The following VPS41 variants were observed in gnomAD, a reference collection of about 807,000 sequenced individuals.
The protein encoded by VPS41 is vacuolar protein sorting-associated protein 41 homolog.
VPS41 carries 85 observed loss-of-function variants against 130.9 expected under a neutral mutation model. The ratio of observed to expected loss-of-function variants is 0.65; its 90% confidence interval spans 0.55 to 0.78. The LOEUF is 0.78. Ranked by LOEUF, VPS41 falls within the 30% of genes least tolerant of loss-of-function variation. VPS41 has a pLI of 0.00. For synonymous variants in VPS41, 335 were observed against 332.9 expected (o/e 1.01, Z -0.07); for missense variants, 874 against 1,018.7 (o/e 0.86, Z 1.93).
At chr7:38,843,203 T>A (rs1331246457) in intron 4 of VPS41, among the ~76,000 whole-genome samples, 2 of 152,208 alleles carry the variant, frequency 1.3e-5, no homozygotes, top group East Asian at 3.9e-4. Context: ...ATGCCCCTGT[T>A]CTTTTGGGAC....
At chr7:38,884,041 T>C (rs952185616) in intron 2 of VPS41, among the ~76,000 whole-genome samples, 14 of 152,214 alleles carry the variant, frequency 9.2e-5, no homozygotes, top group Admixed American at 5.9e-4. Context: ...ACAGGGCACA[T>C]TACCATTTTT....
At chr7:38,806,911 C>T (rs1784849167) in intron 7 of VPS41, among the ~76,000 whole-genome samples, 1 of 152,120 alleles carries the variant, frequency 6.6e-6, no homozygotes, top group African/African-American at 2.4e-5. Flanking sequence ...CAACATCAGC[C>T]GAGGCCACTC....
Position 38,862,547 on chromosome 7 carries a change from C to T in VPS41, c.244G>A (p.Val82Ile), listed in dbSNP as rs757727609. 8.8e-6 allele frequency: 14 copies of T among 1,588,482 alleles called. No homozygotes were observed. The South Asian group carries it at 1.2e-4, about 14-fold the overall frequency. The change falls in exon 4 of 29, where the codon GTA becomes ATA. Residue 82 changes from valine (V) to isoleucine (I), a missense_variant and splice_region_variant. Physicochemically the swap from Val to Ile is conservative, Grantham distance 29. Coordinates refer to ENST00000310301, the MANE Select transcript of VPS41 (RefSeq NM_014396.4). ...VQGNITQKFD[V>I]SPVKINQISL... ...ATTATTTTATACAGAATACTTACTA[C>T]ATCAAACTTCTGAGTGATGTTCCCC...
intron 2 of VPS41, among the ~76,000 whole-genome samples, chr7:38,894,433 G>T (rs1048853358): frequency 1.1e-4 from 17 of 151,852 alleles, no homozygotes; most frequent in Admixed American, 7.9e-4. Flanking sequence ...TAGAGGCAGC[G>T]GGGGGCACGG....
At chr7:38,890,102 C>T (rs1786828665) in intron 2 of VPS41, among the ~76,000 whole-genome samples, 1 of 152,060 alleles carries the variant, frequency 6.6e-6, no homozygotes, top group African/African-American at 2.4e-5. Flanking sequence ...AATCCTAAAA[C>T]ATGTTCAAGT....
At chr7:38,841,438 A>G (rs1347117602) in intron 4 of VPS41, among the ~76,000 whole-genome samples, 1 of 152,198 alleles carries the variant, frequency 6.6e-6, no homozygotes, top group African/African-American at 2.4e-5. Flanking sequence ...TGGGTCTTCT[A>G]CCTGAATGAC....
chr7:38,765,464 C>T, intron 16 of VPS41, 116 bp downstream of exon 16: 13 of 651,654 alleles, frequency 2.0e-5, no homozygotes, highest in Non-Finnish European at 2.8e-5. Flanking sequence ...TTTTTCTTTC[C>T]ATCTGAGATA....
intron 22 of VPS41, 127 bp from the exon 23 acceptor site, chr7:38,745,740 CAAAT>C (rs1277395747): frequency 9.3e-6 from 7 of 756,624 alleles, no homozygotes; most frequent in Admixed American, 2.5e-5. Context: ...ACAAAGCAAA[CAAAT>C]AAAGAACACA....
In VPS41 at chr7:38,723,460, T is replaced by C. The variant is rs3207255; in HGVS notation, c.*2786A>G. ...GCTTTCTTGGCTGGGCATGGTGACT[T>C]ACGCCTGTAATCCTAACACTTCGGA... On this transcript the variant is annotated 3_prime_UTR_variant, in exon 29 of 29. Transcript: ENST00000310301. 106,325 of 151,948 alleles carry C rather than the reference T, an allele frequency of 0.7. 37,917 individuals carry two copies. Among genetic ancestry groups the C allele is most frequent in the African/African-American group, 0.78 (32,515 of 41,430 alleles). 9.4% of individuals were successfully genotyped at this position (151,948 alleles called of 1,614,324 possible).
chr7:38,753,824 A>C (rs1260124897), intron 21 of VPS41, among the ~76,000 whole-genome samples: 1 of 152,170 alleles, frequency 6.6e-6, no homozygotes, highest in East Asian at 1.9e-4. Context: ...AAGAGAAAAA[A>C]AGGTGCCTCT....
At chr7:38,795,741 A>C in intron 8 of VPS41, 130 bp from the exon 9 acceptor site, 1 of 772,860 alleles carries the variant, frequency 1.3e-6, no homozygotes, top group Non-Finnish European at 1.9e-6. Context: ...TGAGCATGCA[A>C]GGAAAATGCT....
At chr7:38,737,927 C>T (rs1361577506) in intron 25 of VPS41, among the ~76,000 whole-genome samples, 1 of 152,198 alleles carries the variant, frequency 6.6e-6, no homozygotes, top group Non-Finnish European at 1.5e-5. Flanking sequence ...GCCTTAGATC[C>T]AGTTAGCCTT....
chr7:38,815,402 C>G (rs1785025834), intron 7 of VPS41, among the ~76,000 whole-genome samples: 1 of 152,004 alleles, frequency 6.6e-6, no homozygotes, highest in Non-Finnish European at 1.5e-5. Context: ...CCAACTTGGG[C>G]AACAGAGCAA....
chr7:38,809,717 C>A (rs1160065900), intron 7 of VPS41, among the ~76,000 whole-genome samples: 1 of 152,130 alleles, frequency 6.6e-6, no homozygotes, highest in Non-Finnish European at 1.5e-5. Context: ...GCCCCTGCGG[C>A]CAGGTCCCCT....
intron 2 of VPS41, among the ~76,000 whole-genome samples, chr7:38,879,675 T>G (rs903055844): frequency 6.6e-6 from 1 of 151,778 alleles, no homozygotes; most frequent in Non-Finnish European, 1.5e-5. Flanking sequence ...TCATAAGGAG[T>G]GCAACCTAGA....
chr7:38,898,941 TAAAC>T (rs1787079055), intron 1 of VPS41, among the ~76,000 whole-genome samples: 1 of 67,700 alleles, frequency 1.5e-5, no homozygotes, highest in Non-Finnish European at 2.7e-5. Context: ...ATCCATGAGA[TAAAC>T]AAAGAACAAG....
intron 1 of VPS41, among the ~76,000 whole-genome samples, chr7:38,901,577 T>C (rs1787146671): frequency 6.6e-6 from 1 of 152,194 alleles, no homozygotes; most frequent in Admixed American, 6.5e-5. Context: ...GAACTCACTA[T>C]TTCAAGGATG....
Position 38,892,640 on chromosome 7 carries a change from G to A in VPS41, c.60+5451C>T, listed in dbSNP as rs116145639. The stretch of plus-strand genomic sequence containing the variant: ...TTTTGTTTGAAAATATATTTAATAC[G>A]GAAGCATATTACTTGTTTCAGCTTG... On this transcript the variant is annotated intron_variant, in intron 2 of 28. Coordinates refer to ENST00000310301, the MANE Select transcript of VPS41 (RefSeq NM_014396.4). Among the ~76,000 whole-genome samples, 768 of 152,134 alleles carry A rather than the reference G, an allele frequency of 5.0e-3. 7 individuals are homozygous for A. Among genetic ancestry groups the A allele is most frequent in the African/African-American group, 0.017 (690 of 41,498 alleles).
At chr7:38,834,029 T>C (rs1245838545) in intron 4 of VPS41, among the ~76,000 whole-genome samples, 1 of 151,544 alleles carries the variant, frequency 6.6e-6, no homozygotes, top group Non-Finnish European at 1.5e-5. Flanking sequence ...TCTATATTGA[T>C]AAAAGAGAAA....
Sources: gnomAD v4.1 joint callset for allele counts (sites outside exome capture counted in the v4.1 genomes callset) on GRCh38, gnomAD v4.1.1 for gene constraint, MANE v1.5 for transcripts, NCBI Gene and HGNC (gene_info 2026-07-23, HGNC 2026-07-21) for gene names.